Variants in FAM53A observed in about 807,000 individuals in gnomAD.
FAM53A encodes the protein family with sequence similarity 53 member A, also known as protein FAM53A.
In FAM53A, 28 loss-of-function variants were observed where a neutral mutation model predicts 26.6. The ratio of observed to expected loss-of-function variants is 1.05; its 90% confidence interval spans 0.78 to 1.45. The LOEUF is 1.45. Ranked by LOEUF, FAM53A falls within the 40% of genes most tolerant of loss-of-function variation. FAM53A has a pLI of 0.00. For synonymous variants in FAM53A, 290 were observed against 253.1 expected, an observed-to-expected ratio of 1.15 and a Z score of -1.38; for missense variants, 650 against 575.8, an observed-to-expected ratio of 1.13 and a Z score of -1.32.
intron 1 of FAM53A, among the ~76,000 whole-genome samples, chr4:1,620,669 C>CA (rs940209565): frequency 1.5e-4 from 22 of 148,060 alleles, no homozygotes; most frequent in Non-Finnish European, 2.5e-4. Context: ...CTCTGTCTCA[C>CA]AAAAAAAAAG....
the FAM53A span, among the ~76,000 whole-genome samples, chr4:1,575,223 C>T: frequency 6.6e-6 from 1 of 152,194 alleles, no homozygotes; most frequent in Non-Finnish European, 1.5e-5. Context: ...GGGCTGGCAG[C>T]CCCTTCAGGA....
downstream of FAM53A, among the ~76,000 whole-genome samples, chr4:1,613,995 C>T (rs1180565095): frequency 6.6e-6 from 1 of 152,182 alleles, no homozygotes; most frequent in Admixed American, 6.5e-5. Context: ...GAAGTGAGCA[C>T]CAAAGACTCG....
At chr4:1,660,789 C>T (rs906618376) in intron 2 of FAM53A, among the ~76,000 whole-genome samples, 8 of 150,442 alleles carry the variant, frequency 5.3e-5, no homozygotes, top group African/African-American at 2.0e-4. Context: ...CTCAGGAGGC[C>T]GAGGCAGGAG....
chr4:1,669,104 C>T (rs1456573659), intron 1 of FAM53A, among the ~76,000 whole-genome samples, 199 bp from the exon 2 acceptor site: 1 of 152,146 alleles, frequency 6.6e-6, no homozygotes, highest in East Asian at 1.9e-4. Flanking sequence ...AAGGCAAAGA[C>T]ACACATTAGA....
the FAM53A span, among the ~76,000 whole-genome samples, chr4:1,592,950 G>A: frequency 1.3e-5 from 2 of 151,966 alleles, no homozygotes; most frequent in South Asian, 2.1e-4. Flanking sequence ...CACCCTGCCC[G>A]GCTAGCCTAT....
Position 1,665,795 on chromosome 4 carries a change from C to T in FAM53A, c.75+2872G>A, listed in dbSNP as rs537904179. Reference sequence around the variant, plus strand: ...GAACTGCCTATGCTGCCTTCTCTGTCAATGGACAAGTGCTCCACAAAGAGA... The same window carrying T: ...GAACTGCCTATGCTGCCTTCTCTGTTAATGGACAAGTGCTCCACAAAGAGA... On this transcript the variant is annotated intron_variant, in intron 2 of 4. Transcript: ENST00000308132. Among the ~76,000 whole-genome samples the T allele has an allele frequency of 9.2e-5, 14 of 152,192 alleles. No homozygotes were observed. In the South Asian group the frequency reaches 2.5e-3, roughly 27 times the overall value.
intron 1 of FAM53A, among the ~76,000 whole-genome samples, chr4:1,621,962 G>C (rs1360596737): frequency 6.6e-6 from 1 of 152,190 alleles, no homozygotes; most frequent in Non-Finnish European, 1.5e-5. Context: ...CCGCATTCAT[G>C]AACGAATCGA....
At chr4:1,632,496 G>T (rs534328578) in intron 1 of FAM53A, among the ~76,000 whole-genome samples, 1 of 152,144 alleles carries the variant, frequency 6.6e-6, no homozygotes, top group Non-Finnish European at 1.5e-5. Flanking sequence ...CAAGAAGACC[G>T]ACCCACAGAT....
chr4:1,665,747 T>C (rs1178389680), intron 2 of FAM53A, among the ~76,000 whole-genome samples: 12 of 151,988 alleles, frequency 7.9e-5, no homozygotes, highest in Non-Finnish European at 7.4e-5. Context: ...AGGGCTCCTG[T>C]CCCAAGGCCG....
intron 1 of FAM53A, among the ~76,000 whole-genome samples, chr4:1,626,296 T>A (rs527444717): frequency 6.6e-6 from 1 of 152,232 alleles, no homozygotes; most frequent in African/African-American, 2.4e-5. Flanking sequence ...ACGGTGGCCG[T>A]CACGAGCCGT....
At position 1,618,619 on chromosome 4, in the gene FAM53A, A is replaced by G. The variant is rs148370599; in HGVS notation, c.432-508T>C. On this transcript the variant is annotated intron_variant, in intron 1 of 1. Coordinates refer to the FAM53A transcript ENST00000489029. ...GGCTGTTTGGCAGCCTGAGGGGTGG[A>G]CTGTGGCTCATGGCTGTGGCCGCCA... is the stretch of plus-strand genomic sequence containing the variant. Among the ~76,000 whole-genome samples, 424 of 152,218 alleles carry G rather than the reference A, an allele frequency of 2.8e-3. 1 individual carries two copies. The highest frequency in any genetic ancestry group is 0.01 in the Middle Eastern group (3 of 294).
chr4:1,639,174 G>A (rs1169406662), downstream of FAM53A, among the ~76,000 whole-genome samples: 2 of 152,112 alleles, frequency 1.3e-5, no homozygotes, highest in Non-Finnish European at 2.9e-5. Flanking sequence ...GCCATGTCCT[G>A]CAGACCAGTG....
intron 4 of FAM53A, among the ~76,000 whole-genome samples, chr4:1,649,059 G>A (rs1712496382): frequency 6.6e-6 from 1 of 151,854 alleles, no homozygotes; most frequent in Non-Finnish European, 1.5e-5. Flanking sequence ...GTTGCACTGA[G>A]CTGAGATCAT....
At chr4:1,599,521 C>T in the FAM53A span, among the ~76,000 whole-genome samples, 2 of 152,132 alleles carry the variant, frequency 1.3e-5, no homozygotes, top group Non-Finnish European at 2.9e-5. The surrounding 1 kb of genome is among the most constrained non-coding windows in gnomAD (Gnocchi z 6.1). Flanking sequence ...CGTGCGGCCT[C>T]GTCAGCACAG....
chr4:1,623,399 C>A (rs1036313214), intron 1 of FAM53A, among the ~76,000 whole-genome samples: 1 of 150,588 alleles, frequency 6.6e-6, no homozygotes, highest in Non-Finnish European at 1.5e-5. Context: ...GCGTTTCCGG[C>A]CCCCGAGGGA....
intron 1 of FAM53A, among the ~76,000 whole-genome samples, chr4:1,620,672 A>G (rs1307489289): frequency 6.6e-6 from 1 of 150,660 alleles, no homozygotes. Context: ...TGTCTCACAA[A>G]AAAAAAGAAA....
intron 1 of FAM53A, among the ~76,000 whole-genome samples, chr4:1,628,731 G>C (rs1333694666): frequency 4.1e-3 from 4 of 976 alleles, no homozygotes; most frequent in South Asian, 0.071. Context: ...TGGGGGAGTG[G>C]CATGGGGGGG....
intron 1 of FAM53A, among the ~76,000 whole-genome samples, chr4:1,628,107 G>A (rs866498866): frequency 1.7e-5 from 1 of 58,606 alleles, no homozygotes; most frequent in African/African-American, 8.0e-5. Flanking sequence ...AGGGTGGCAC[G>A]GGGGAGGGCA....
At chr4:1,616,789 G>A (rs571581388), downstream of FAM53A, among the ~76,000 whole-genome samples, 1 of 152,306 alleles carries the variant, frequency 6.6e-6, no homozygotes, top group South Asian at 2.1e-4. Context: ...TTTCTTGGCT[G>A]CTTTGGCTGG....
Sources: allele counts gnomAD v4.1 joint callset (sites outside exome capture counted in the v4.1 genomes callset), GRCh38; gene constraint gnomAD v4.1.1; non-coding constraint Gnocchi (gnomAD v3.1); transcripts MANE v1.5; gene names NCBI Gene and HGNC (gene_info 2026-07-23, HGNC 2026-07-21).